AVL9: variants seen among roughly 807,000 people sequenced by gnomAD.
AVL9 encodes the protein AVL9 cell migration associated, also known as late secretory pathway protein AVL9 homolog.
In AVL9, 49 loss-of-function variants were observed where a neutral mutation model predicts 79.2. The observed-to-expected ratio is 0.62, with a 90% CI of 0.49 to 0.79. The LOEUF (loss-of-function observed/expected upper bound fraction) is 0.79, where lower values mean the gene tolerates loss of function less well. Among genes scored for constraint, AVL9 ranks in the 30% least tolerant of loss-of-function variants. The probability of loss-of-function intolerance (pLI) is 0.00; values close to 1 mark genes in which losing one functional copy is unlikely to be tolerated. For synonymous variants in AVL9, 299 were observed against 280.6 expected (o/e 1.07, Z -0.65); for missense variants, 682 against 776.8 (o/e 0.88, Z 1.45).
intron 1 of AVL9, among the ~76,000 whole-genome samples, chr7:32,526,412 C>T (rs1202786909): frequency 1.3e-5 from 2 of 152,086 alleles, no homozygotes; most frequent in East Asian, 1.9e-4. Context: ...AGAGACAAAC[C>T]GGGTTCTTAG....
In AVL9 at chr7:32,571,200, C is replaced by G. The variant is rs1467463449; in HGVS notation, c.1350+1046C>G. Among the ~76,000 whole-genome samples, 3 of 145,980 alleles carry G rather than the reference C, an allele frequency of 2.1e-5. No individual in the cohort carries two copies. The East Asian group carries it at 6.0e-4, about 29-fold the overall frequency. On this transcript the variant is annotated intron_variant, in intron 11 of 15. Transcript: ENST00000318709. ...TGAGCCAAGATTGCACCACTGCACT[C>G]CAGCCTGGGTGACAGAGTGACCCTG...
chr7:32,509,077 T>C (rs968384848), intron 1 of AVL9, among the ~76,000 whole-genome samples: 9 of 152,198 alleles, frequency 5.9e-5, no homozygotes, highest in African/African-American at 2.2e-4. Context: ...CATCAGATGC[T>C]CTCATCTGGG....
In AVL9 at chr7:32,579,540, ATAT is replaced by A. The variant is rs1201775471; in HGVS notation, c.1689-675_1689-673del. On this transcript the variant is annotated intron_variant, in intron 13 of 15. Coordinates refer to ENST00000318709, the MANE Select transcript of AVL9 (RefSeq NM_015060.3). The stretch of plus-strand genomic sequence containing the variant: ...TATTATATATTATATATTATATTAT[ATAT>A]TATATATTATATATTATATTATATA... 3.0e-3 allele frequency among the ~76,000 whole-genome samples: 17 copies of A among 5,640 alleles called. 4 individuals are homozygous for A. In the South Asian group the frequency reaches 0.041, roughly 14 times the overall value. The allele number at this position is 5,640 out of a possible 152,430, so 3.7% of individuals were successfully genotyped here. A position where few individuals can be genotyped will look rare whatever the true frequency, so the allele number is the denominator to read the frequency against.
intron 1 of AVL9, among the ~76,000 whole-genome samples, chr7:32,530,142 A>G (rs568264541): frequency 2.6e-5 from 4 of 152,318 alleles, no homozygotes; most frequent in African/African-American, 7.2e-5. Flanking sequence ...TTTTTTCCAC[A>G]TAGTTATACA....
intron 13 of AVL9, among the ~76,000 whole-genome samples, chr7:32,579,889 A>G (rs1791425133): frequency 6.6e-6 from 1 of 151,740 alleles, no homozygotes; most frequent in South Asian, 2.1e-4. Context: ...AGCTTGTAAA[A>G]AATGTGTTGA....
intron 12 of AVL9, among the ~76,000 whole-genome samples, chr7:32,575,038 A>G (rs1434565918): frequency 8.5e-5 from 13 of 152,208 alleles, no homozygotes; most frequent in Admixed American, 5.2e-4. Flanking sequence ...TTCCCATGGT[A>G]TTGATAAAGC....
At chr7:32,566,838 G>A (rs1477154054) in intron 10 of AVL9, among the ~76,000 whole-genome samples, 5 of 152,266 alleles carry the variant, frequency 3.3e-5, no homozygotes, top group South Asian at 2.1e-4. Context: ...AACCGAGATC[G>A]CGCCACTGCA....
At chr7:32,524,974 G>A (rs1053994894) in intron 1 of AVL9, among the ~76,000 whole-genome samples, 1 of 152,104 alleles carries the variant, frequency 6.6e-6, no homozygotes, top group African/African-American at 2.4e-5. Flanking sequence ...GATGTTCAAG[G>A]AGGACAATAC....
intron 1 of AVL9, chr7:32,531,971 A>G (rs1788678389): frequency 1.3e-5 from 2 of 152,288 alleles, no homozygotes; most frequent in Non-Finnish European, 2.9e-5. Context: ...CCACCAGGGC[A>G]GTGTGACCGC....
chr7:32,499,237 T>A (rs1054327241), intron 1 of AVL9, among the ~76,000 whole-genome samples: 1 of 152,076 alleles, frequency 6.6e-6, no homozygotes, highest in Non-Finnish European at 1.5e-5. Context: ...TTCTCTGTAG[T>A]AAATTGGCTT....
chr7:32,564,936 GA>G (rs1268563718), intron 10 of AVL9, among the ~76,000 whole-genome samples: 1 of 152,154 alleles, frequency 6.6e-6, no homozygotes, highest in Non-Finnish European at 1.5e-5. Flanking sequence ...GAGGAACATT[GA>G]AGTGGAATGA....
intron 1 of AVL9, among the ~76,000 whole-genome samples, chr7:32,519,769 A>G (rs1216099063): frequency 6.6e-6 from 1 of 152,252 alleles, no homozygotes; most frequent in African/African-American, 2.4e-5. Context: ...ATTGCTGTAA[A>G]GAACTACCTG....
In AVL9 at chr7:32,573,856, A is replaced by G. The variant is rs143624337; in HGVS notation, c.1570+438A>G. ...AGAATATAAAAAATAGAAATCATTG[A>G]AAATCGTGTTGTAAATGATTAAATC... On this transcript the variant is annotated intron_variant, in intron 12 of 15. Coordinates refer to ENST00000318709, the MANE Select transcript of AVL9 (RefSeq NM_015060.3). Among the ~76,000 whole-genome samples, 894 of 152,352 alleles carry G rather than the reference A, an allele frequency of 5.9e-3. 9 individuals are homozygous for G. Among genetic ancestry groups the G allele is most frequent in the African/African-American group, 0.02 (850 of 41,578 alleles).
chr7:32,564,302 A>G (rs76288392), intron 10 of AVL9, among the ~76,000 whole-genome samples: 1 of 152,316 alleles, frequency 6.6e-6, no homozygotes, highest in East Asian at 1.9e-4. Flanking sequence ...ATGAAAATCT[A>G]ATTTCTTTAA....
intron 1 of AVL9, among the ~76,000 whole-genome samples, chr7:32,510,389 T>C (rs548335835): frequency 7.2e-5 from 10 of 138,586 alleles, no homozygotes; most frequent in African/African-American, 2.7e-4. Context: ...AGGGTAAGAT[T>C]TGTGAGCCGT....
At chr7:32,540,424 A>C (rs540202717) in intron 1 of AVL9, among the ~76,000 whole-genome samples, 4 of 152,308 alleles carry the variant, frequency 2.6e-5, no homozygotes, top group Admixed American at 6.5e-5. Flanking sequence ...GCTCTACTAA[A>C]GGAGCATGGG....
chr7:32,514,120 T>C (rs1174906527), intron 1 of AVL9, among the ~76,000 whole-genome samples: 3 of 152,188 alleles, frequency 2.0e-5, no homozygotes, highest in Non-Finnish European at 4.4e-5. Context: ...CTTCCTCTTA[T>C]CTCAACTGCA....
rs139588765 is a variant in AVL9, at chr7:32,579,660, G to A, written c.1689-559G>A. 2.9e-4 allele frequency among the ~76,000 whole-genome samples: 31 copies of A among 108,358 alleles called. 1 individual carries two copies. Among genetic ancestry groups the A allele is most frequent in the African/African-American group, 1.1e-3 (29 of 26,418 alleles). The allele number at this position is 108,358 out of a possible 152,430, so 71.1% of individuals were successfully genotyped here. Reference sequence around the variant, plus strand: ...TTTTCTTTTAATATAATGGAAATAGGGAAGTCTGAATAATGTATTTTCTTA... The same window carrying A: ...TTTTCTTTTAATATAATGGAAATAGAGAAGTCTGAATAATGTATTTTCTTA... On this transcript the variant is annotated intron_variant, in intron 13 of 15. Transcript: ENST00000318709.
At chr7:32,516,710 TG>T (rs1787915246) in intron 1 of AVL9, among the ~76,000 whole-genome samples, 2 of 147,874 alleles carry the variant, frequency 1.4e-5, no homozygotes, top group Non-Finnish European at 3.0e-5. Flanking sequence ...TAACACGCTA[TG>T]GAGTCCTGCC....
Sources: allele counts gnomAD v4.1 joint callset (sites outside exome capture counted in the v4.1 genomes callset), GRCh38; gene constraint gnomAD v4.1.1; transcripts MANE v1.5; gene names NCBI Gene and HGNC (gene_info 2026-07-23, HGNC 2026-07-21).